LRRC4C: variants seen among roughly 807,000 people sequenced by gnomAD.
LRRC4C encodes the protein leucine-rich repeat-containing protein 4C.
A neutral mutation model predicts 33.6 loss-of-function variants in LRRC4C; 5 were observed. The observed-to-expected ratio is 0.15, with a 90% confidence interval of 0.08 to 0.31. LRRC4C has a LOEUF of 0.31. Among genes scored for constraint, LRRC4C ranks in the 10% least tolerant of loss-of-function variants. The pLI is 1.00. For missense variants in LRRC4C, 560 were observed against 796.7 expected, an observed-to-expected ratio of 0.70 and a Z score of 3.58; for synonymous variants, 329 against 302.0, an observed-to-expected ratio of 1.09 and a Z score of -0.93.
rs528961538 is a variant in LRRC4C, at chr11:40,611,908, T to C, written c.-270+36234A>G. 5.3e-5 allele frequency among the ~76,000 whole-genome samples: 8 copies of C among 151,894 alleles called. 1 individual carries two copies. Among genetic ancestry groups the C allele is most frequent in the African/African-American group, 1.7e-4 (7 of 41,510 alleles). On this transcript the variant is annotated intron_variant, in intron 3 of 6. Coordinates refer to ENST00000528697, the MANE Select transcript of LRRC4C (RefSeq NM_001258419.2). ...AAGTATTGATGAGAATGTGGAGAAA[T>C]TGGAACTCTTTTACGTTAGGGGAGA...
At chr11:40,233,801 G>T (rs528943244) in intron 5 of LRRC4C, among the ~76,000 whole-genome samples, 1 of 152,086 alleles carries the variant, frequency 6.6e-6, no homozygotes, top group Non-Finnish European at 1.5e-5. Context: ...ACATAGGACT[G>T]GTATTTGAAG....
chr11:40,610,029 C>T (rs1282704236), intron 3 of LRRC4C, among the ~76,000 whole-genome samples: 1 of 151,914 alleles, frequency 6.6e-6, no homozygotes, highest in African/African-American at 2.4e-5. Flanking sequence ...GCAACAGTTC[C>T]AAACTTATTT....
chr11:40,358,652 C>G (rs1426543026), intron 3 of LRRC4C, among the ~76,000 whole-genome samples: 1 of 152,108 alleles, frequency 6.6e-6, no homozygotes, highest in African/African-American at 2.4e-5. Context: ...TGCCATGGTG[C>G]CACAGGTTTG....
chr11:41,065,228 C>T (rs1938139856), intron 1 of LRRC4C, among the ~76,000 whole-genome samples: 3 of 152,130 alleles, frequency 2.0e-5, no homozygotes, highest in East Asian at 1.9e-4. Flanking sequence ...GAGGGGAGAC[C>T]GCCATTACTG....
chr11:40,386,238 T>C (rs186973088), intron 3 of LRRC4C, among the ~76,000 whole-genome samples: 217 of 152,254 alleles, frequency 1.4e-3, no homozygotes, highest in Middle Eastern at 3.4e-3. Context: ...TCCTAAAACG[T>C]TCCCAGCATG....
intron 2 of LRRC4C, among the ~76,000 whole-genome samples, chr11:40,869,757 G>A (rs991292756): frequency 5.3e-5 from 8 of 152,104 alleles, no homozygotes; most frequent in African/African-American, 1.7e-4. Context: ...GAAGTTTGCC[G>A]ACGTATAAAA....
intron 2 of LRRC4C, among the ~76,000 whole-genome samples, chr11:40,727,669 G>C (rs1024135582): frequency 6.6e-6 from 1 of 152,156 alleles, no homozygotes; most frequent in East Asian, 1.9e-4. Flanking sequence ...ACAGAGGATC[G>C]ATATCCCGAA....
Position 41,128,168 on chromosome 11 carries a change from T to G in LRRC4C, c.-495-194445A>C, listed in dbSNP as rs371768336. Among the ~76,000 whole-genome samples, 32 of 152,118 alleles carry G rather than the reference T, an allele frequency of 2.1e-4. No individual in the cohort carries two copies. The East Asian group carries it at 2.7e-3, about 13-fold the overall frequency. On this transcript the variant is annotated intron_variant, in intron 1 of 6. Transcript: ENST00000528697. Reference sequence around the variant, plus strand: ...ATTAGAAGACTATAATGAGTATCATTCAGGCCTTCAATTTGAATTTCCCTG... The same window carrying G: ...ATTAGAAGACTATAATGAGTATCATGCAGGCCTTCAATTTGAATTTCCCTG...
chr11:40,450,452 A>G (rs951182349), intron 3 of LRRC4C, among the ~76,000 whole-genome samples: 1 of 152,100 alleles, frequency 6.6e-6, no homozygotes. Context: ...TATTTTTGAT[A>G]TAAACAGTGG....
chr11:40,477,733 T>C (rs1481292136), intron 3 of LRRC4C, among the ~76,000 whole-genome samples: 1 of 152,160 alleles, frequency 6.6e-6, no homozygotes, highest in East Asian at 1.9e-4. Flanking sequence ...ACCTTTTCAG[T>C]ACAATACCTT....
intron 3 of LRRC4C, among the ~76,000 whole-genome samples, chr11:40,462,694 T>C (rs1233809573): frequency 6.6e-6 from 1 of 152,164 alleles, no homozygotes; most frequent in Non-Finnish European, 1.5e-5. Flanking sequence ...TTAAAATAGA[T>C]ACTTAAAAAA....
At chr11:40,985,128 T>A (rs1158490359) in intron 1 of LRRC4C, among the ~76,000 whole-genome samples, 1 of 151,850 alleles carries the variant, frequency 6.6e-6, no homozygotes, top group Non-Finnish European at 1.5e-5. Context: ...GTGTGGCTTG[T>A]TCATACTTCT....
At chr11:40,258,964 C>T (rs1377948196) in intron 4 of LRRC4C, among the ~76,000 whole-genome samples, 1 of 152,158 alleles carries the variant, frequency 6.6e-6, no homozygotes, top group African/African-American at 2.4e-5. Flanking sequence ...TAAATGGCAT[C>T]AGAGGCTTAT....
At chr11:41,031,532 T>A (rs1365310138) in intron 1 of LRRC4C, among the ~76,000 whole-genome samples, 3 of 152,030 alleles carry the variant, frequency 2.0e-5, no homozygotes, top group Admixed American at 2.0e-4. Context: ...ACAAGTTCAT[T>A]CAGTGGACAA....
intron 1 of LRRC4C, among the ~76,000 whole-genome samples, chr11:41,434,832 G>A (rs1955371387): frequency 6.6e-6 from 1 of 152,126 alleles, no homozygotes; most frequent in African/African-American, 2.4e-5. Context: ...TGAGCAGCTG[G>A]TAATACAGCA....
At chr11:40,223,551 AT>A (rs779112625) in intron 5 of LRRC4C, among the ~76,000 whole-genome samples, 8 of 152,184 alleles carry the variant, frequency 5.3e-5, no homozygotes, top group Non-Finnish European at 1.2e-4. Flanking sequence ...TACTTTTGCA[AT>A]TTATTTTTAG....
intron 3 of LRRC4C, among the ~76,000 whole-genome samples, chr11:40,428,589 T>C (rs898486418): frequency 1.3e-5 from 2 of 152,210 alleles, no homozygotes; most frequent in African/African-American, 4.8e-5. Flanking sequence ...GCTTGTAGAA[T>C]TGAGAAACAT....
chr11:40,380,106 A>G (rs1022032496), intron 3 of LRRC4C, among the ~76,000 whole-genome samples: 3 of 152,244 alleles, frequency 2.0e-5, no homozygotes, highest in Non-Finnish European at 4.4e-5. Flanking sequence ...CAAGATTTAC[A>G]TAAAGGAAAA....
intron 2 of LRRC4C, among the ~76,000 whole-genome samples, chr11:40,702,450 T>C (rs1945910522): frequency 6.6e-6 from 1 of 152,178 alleles, no homozygotes; most frequent in African/African-American, 2.4e-5. Flanking sequence ...ATTTTCTCTT[T>C]CCTTCTTTTA....
Sources: allele counts gnomAD v4.1 joint callset (sites outside exome capture counted in the v4.1 genomes callset), GRCh38; gene constraint gnomAD v4.1.1; transcripts MANE v1.5; gene names NCBI Gene and HGNC (gene_info 2026-07-23, HGNC 2026-07-21).